The following RGL1 variants were observed in gnomAD, a reference collection of about 807,000 sequenced individuals.
The protein encoded by RGL1 is ral guanine nucleotide dissociation stimulator-like 1.
In RGL1, 24 loss-of-function variants were observed where a neutral mutation model predicts 95.2. That is an observed-to-expected ratio of 0.25 (90% CI 0.18 to 0.35). RGL1 has a LOEUF of 0.35. RGL1 is among the 10% of genes least tolerant of loss of function. RGL1 has a pLI of 1.00. For missense variants in RGL1, 715 were observed against 936.3 expected, an observed-to-expected ratio of 0.76 and a Z score of 3.08; for synonymous variants, 329 against 344.9, an observed-to-expected ratio of 0.95 and a Z score of 0.51.
rs1224331695 is a variant in RGL1, at chr1:183,919,195, C to T, written c.2004+2494C>T. ...AATTTTATTTTTTAATGAAAAATAT[C>T]TATTTTTTTCCAAAAATTATTGAGT... On this transcript the variant is annotated intron_variant, in intron 16 of 17. Coordinates refer to ENST00000360851, the MANE Select transcript of RGL1 (RefSeq NM_001297671.3). 3.3e-5 allele frequency among the ~76,000 whole-genome samples: 5 copies of T among 152,144 alleles called. No homozygotes were observed. In the East Asian group the frequency reaches 9.6e-4, roughly 29 times the overall value.
intron 2 of RGL1, among the ~76,000 whole-genome samples, chr1:183,812,548 T>C (rs1661796807): frequency 6.6e-6 from 1 of 152,220 alleles, no homozygotes; most frequent in African/African-American, 2.4e-5. Flanking sequence ...AGTAAAATAC[T>C]CCTTGTTCTA....
chr1:183,771,301 GA>G (rs572806701), intron 2 of RGL1, among the ~76,000 whole-genome samples: 2,988 of 127,826 alleles, frequency 0.023, 97 homozygotes, highest in African/African-American at 0.078. Flanking sequence ...AGTAAACAAA[GA>G]AAAAAAAAAA....
intron 2 of RGL1, among the ~76,000 whole-genome samples, chr1:183,750,939 G>A (rs779008666): frequency 2.3e-4 from 35 of 152,316 alleles, no homozygotes; most frequent in African/African-American, 3.4e-4. Flanking sequence ...TGGAAGCTTC[G>A]TCCCAGAGGG....
At chr1:183,731,955 T>C (rs537504762) in intron 1 of RGL1, among the ~76,000 whole-genome samples, 5 of 152,270 alleles carry the variant, frequency 3.3e-5, no homozygotes, top group African/African-American at 9.6e-5. Flanking sequence ...GCTTAACTTA[T>C]CTTTGTTTCG....
At chr1:183,645,402 T>C (rs183410905) in intron 1 of RGL1, among the ~76,000 whole-genome samples, 16 of 152,376 alleles carry the variant, frequency 1.1e-4, no homozygotes, top group African/African-American at 3.4e-4. Flanking sequence ...AGATAATGTG[T>C]CCGTCTCTTC....
At chr1:183,674,006 A>G (rs1405549001) in intron 1 of RGL1, among the ~76,000 whole-genome samples, 1 of 152,082 alleles carries the variant, frequency 6.6e-6, no homozygotes, top group African/African-American at 2.4e-5. Context: ...GTCAACCTCT[A>G]TTCTTTTTCT....
chr1:183,870,644 T>C (rs906056245), intron 4 of RGL1, among the ~76,000 whole-genome samples: 1 of 152,144 alleles, frequency 6.6e-6, no homozygotes, highest in Admixed American at 6.5e-5. Flanking sequence ...GGAGAATCTT[T>C]CAGCATGCAC....
In RGL1 at chr1:183,847,686, G is replaced by A; in HGVS notation, c.259G>A (p.Asp87Asn). 6.2e-7 allele frequency: 1 copy of A among 1,614,144 alleles called. No individual in the cohort carries two copies. The highest frequency in any genetic ancestry group is 1.1e-5 in the South Asian group (1 of 91,082). Residue 87 changes from aspartate (D) to asparagine (N), a missense_variant, in exon 3 of 18, where the codon GAC becomes AAC. Around this residue, in one of 3 missense-constraint regions of RGL1, gnomAD observed 381 missense variants for 484.8 expected, o/e 0.79. Transcript: ENST00000360851. Reference sequence around the variant, plus strand: ...GGAGAACCTGCTGACAGCTTTTGGGGACAATGACTTTACCTATATCAGCAT... The same window carrying A: ...GGAGAACCTGCTGACAGCTTTTGGGAACAATGACTTTACCTATATCAGCAT... ...LVENLLTAFG[D>N]NDFTYISIFL...
At chr1:183,849,966 G>A (rs1664729359) in intron 3 of RGL1, among the ~76,000 whole-genome samples, 1 of 152,104 alleles carries the variant, frequency 6.6e-6, no homozygotes, top group South Asian at 2.1e-4. Context: ...TGACATTCCT[G>A]TCCACAGAAA....
intron 12 of RGL1, among the ~76,000 whole-genome samples, chr1:183,903,565 G>C (rs563354640): frequency 6.6e-5 from 10 of 152,216 alleles, no homozygotes; most frequent in South Asian, 2.1e-4. Context: ...AACATGGGGG[G>C]GGTTTGGGAA....
rs1280074323 is a variant in RGL1, at chr1:183,926,303, C to G, written c.*11C>G. ...AAAATCACCCTCTGAAGGGAGGGACCAGTGGCCCCTTGTTTGCCAAAGGCA... is the reference window on the plus strand; with the variant it reads ...AAAATCACCCTCTGAAGGGAGGGACGAGTGGCCCCTTGTTTGCCAAAGGCA... On this transcript the variant is annotated 3_prime_UTR_variant, in exon 18 of 18. Transcript: ENST00000360851. The G allele has an allele frequency of 3.1e-6, 5 of 1,594,104 alleles. No individual in the cohort carries two copies. In the South Asian group the frequency reaches 4.5e-5, roughly 14 times the overall value.
At chr1:183,892,027 G>T in intron 8 of RGL1, 50 bp from the exon 9 acceptor site, 1 of 1,451,722 alleles carries the variant, frequency 6.9e-7, no homozygotes, top group Non-Finnish European at 9.6e-7. Flanking sequence ...AAAAGTGTCG[G>T]GTTATTCCTA....
At chr1:183,639,820 G>A (rs1649800763) in intron 1 of RGL1, among the ~76,000 whole-genome samples, 1 of 151,646 alleles carries the variant, frequency 6.6e-6, no homozygotes, top group Non-Finnish European at 1.5e-5. Context: ...TCAAAGAAGG[G>A]AGGATAAAGG....
chr1:183,880,609 TTC>T lies in RGL1; in HGVS notation c.426-4_426-3del. On this transcript the variant is annotated splice_polypyrimidine_tract_variant and splice_region_variant and intron_variant, in intron 4 of 17. Transcript: ENST00000360851. ...GGGTGCAGTGACTCTCCATTTGTCTTTCTCAGTGCAATCGCTTCCATACTAAG... is the reference window on the plus strand; with the variant it reads ...GGGTGCAGTGACTCTCCATTTGTCTTTCAGTGCAATCGCTTCCATACTAAG... 1 of 1,613,068 alleles carries T rather than the reference TTC, an allele frequency of 6.2e-7. No homozygotes were observed. The highest frequency in any genetic ancestry group is 8.5e-7 in the Non-Finnish European group (1 of 1,179,610).
At chr1:183,846,324 A>G (rs182963128) in intron 2 of RGL1, among the ~76,000 whole-genome samples, 2 of 152,150 alleles carry the variant, frequency 1.3e-5, no homozygotes, top group African/African-American at 4.8e-5. Context: ...GTTCTCACTC[A>G]TAAGTGGGAG....
intron 4 of RGL1, among the ~76,000 whole-genome samples, chr1:183,878,518 A>G (rs1666649816): frequency 6.6e-6 from 1 of 152,176 alleles, no homozygotes; most frequent in African/African-American, 2.4e-5. Flanking sequence ...ATATTTAAAT[A>G]TGTATACATA....
chr1:183,837,817 C>T (rs55709313), intron 2 of RGL1, among the ~76,000 whole-genome samples: 20,452 of 152,132 alleles, frequency 0.13, 1,842 homozygotes, highest in African/African-American at 0.24. Context: ...ACTGTTTCAC[C>T]TCAGATCATC....
Position 183,776,307 on chromosome 1 carries a change from C to A in RGL1, c.133-30068C>A, listed in dbSNP as rs1255452925. 2.6e-5 allele frequency among the ~76,000 whole-genome samples: 4 copies of A among 151,550 alleles called. No individual in the cohort carries two copies. The South Asian group carries it at 6.3e-4, about 24-fold the overall frequency. On this transcript the variant is annotated intron_variant, in intron 2 of 18. Coordinates refer to the RGL1 transcript ENST00000304685. ...GGGACTACAGGCGCCCGCTACCACG[C>A]CCGGCTAATTTTTTGTATTTTTAGT...
intron 1 of RGL1, among the ~76,000 whole-genome samples, chr1:183,704,666 C>G (rs1654797166): frequency 6.6e-6 from 1 of 152,062 alleles, no homozygotes; most frequent in Non-Finnish European, 1.5e-5. Context: ...AAGAGTGTAG[C>G]CAGGTTTAGA....
Sources: gnomAD v4.1 joint callset for allele counts (sites outside exome capture counted in the v4.1 genomes callset) on GRCh38, gnomAD v4.1.1 for gene constraint, gnomAD v4.1.1 regional missense constraint, MANE v1.5 for transcripts, NCBI Gene and HGNC (gene_info 2026-07-23, HGNC 2026-07-21) for gene names.